Variants in MACROD2 observed in about 807,000 individuals in gnomAD.
MACROD2 encodes ADP-ribose glycohydrolase MACROD2.
Under a neutral mutation model 70.4 loss-of-function variants are expected in MACROD2, and 36 were observed. The observed-to-expected ratio is 0.51, with a 90% CI of 0.39 to 0.68. The LOEUF (loss-of-function observed/expected upper bound fraction) is 0.68, where lower values mean the gene tolerates loss of function less well. MACROD2 is among the 30% of genes least tolerant of loss of function. The pLI, the probability that MACROD2 is intolerant of heterozygous loss-of-function variation, is 0.00. For synonymous variants in MACROD2, 172 were observed against 178.8 expected (o/e 0.96, Z 0.30); for missense variants, 496 against 538.4 (o/e 0.92, Z 0.78).
At chr20:14,477,954 G>T (rs1412139073) in intron 3 of MACROD2, among the ~76,000 whole-genome samples, 1 of 152,134 alleles carries the variant, frequency 6.6e-6, no homozygotes, top group Non-Finnish European at 1.5e-5. Flanking sequence ...TAGTTTAAAT[G>T]CCTCCCGATT....
chr20:15,347,377 TA>T (rs1268704247), intron 6 of MACROD2, among the ~76,000 whole-genome samples: 1 of 152,172 alleles, frequency 6.6e-6, no homozygotes, highest in African/African-American at 2.4e-5. Context: ...TTGTACTCAC[TA>T]TATAGGCCAC....
At chr20:15,225,971 G>A (rs2076902568) in intron 5 of MACROD2, among the ~76,000 whole-genome samples, 1 of 152,208 alleles carries the variant, frequency 6.6e-6, no homozygotes, top group South Asian at 2.1e-4. Context: ...TCTGGAGATA[G>A]TGCCAATTTG....
At chr20:16,023,143 C>A (rs1188383908) in intron 15 of MACROD2, among the ~76,000 whole-genome samples, 1 of 151,948 alleles carries the variant, frequency 6.6e-6, no homozygotes, top group Non-Finnish European at 1.5e-5. Flanking sequence ...TATAAGACAA[C>A]AAAGAGCACT....
At chr20:14,763,803 G>C (rs2072048479) in intron 5 of MACROD2, among the ~76,000 whole-genome samples, 1 of 152,062 alleles carries the variant, frequency 6.6e-6, no homozygotes, top group African/African-American at 2.4e-5. Context: ...ACGGTGTCTA[G>C]TGGCAGCTGT....
intron 3 of MACROD2, among the ~76,000 whole-genome samples, chr20:14,335,589 A>G (rs2082921347): frequency 6.6e-6 from 1 of 152,156 alleles, no homozygotes; most frequent in Admixed American, 6.5e-5. Context: ...ATGTTTGGGA[A>G]GTGTTTAATT....
chr20:15,928,645 A>G (rs1176547352), intron 10 of MACROD2, among the ~76,000 whole-genome samples: 2 of 152,220 alleles, frequency 1.3e-5, no homozygotes, highest in Admixed American at 6.5e-5. Flanking sequence ...TGCAGTTTTT[A>G]TGAGAATGAA....
intron 5 of MACROD2, among the ~76,000 whole-genome samples, chr20:15,035,431 T>TAATAA (rs71190168): frequency 0.49 from 73,649 of 151,190 alleles, 19,147 homozygotes; most frequent in African/African-American, 0.69. Flanking sequence ...TAAAATAAAA[T>TAATAA]AATAAAATGT....
At chr20:15,206,316 T>A (rs1222877988) in intron 5 of MACROD2, among the ~76,000 whole-genome samples, 1 of 152,210 alleles carries the variant, frequency 6.6e-6, no homozygotes, top group African/African-American at 2.4e-5. Flanking sequence ...ACTCAAAAAT[T>A]TCCATTACTT....
chr20:14,604,473 G>C (rs1982678759), intron 4 of MACROD2, among the ~76,000 whole-genome samples: 1 of 152,150 alleles, frequency 6.6e-6, no homozygotes. Flanking sequence ...CACATTTCCA[G>C]GTCCAATCAT....
At chr20:14,656,873 G>T (rs1986003003) in intron 4 of MACROD2, among the ~76,000 whole-genome samples, 1 of 152,016 alleles carries the variant, frequency 6.6e-6, no homozygotes, top group Non-Finnish European at 1.5e-5. Context: ...GTGCTGTCTT[G>T]GCTTTCTTTG....
intron 8 of MACROD2, among the ~76,000 whole-genome samples, chr20:15,638,093 GA>G (rs1400836145): frequency 6.6e-6 from 1 of 152,092 alleles, no homozygotes; most frequent in Non-Finnish European, 1.5e-5. Flanking sequence ...AGCTCCCTTG[GA>G]ATGAGCCGTG....
chr20:14,802,838 A>C (rs2072594532), intron 5 of MACROD2, among the ~76,000 whole-genome samples: 1 of 151,486 alleles, frequency 6.6e-6, no homozygotes, highest in South Asian at 2.1e-4. Flanking sequence ...AATTGGTTTT[A>C]CAGTTTGTAT....
chr20:15,315,824 G>C, intron 6 of MACROD2, among the ~76,000 whole-genome samples: 1 of 152,054 alleles, frequency 6.6e-6, no homozygotes, highest in South Asian at 2.1e-4. Flanking sequence ...CTCCTCTTTT[G>C]ATTTCTTATA....
intron 5 of MACROD2, among the ~76,000 whole-genome samples, chr20:15,146,762 A>C (rs1601138488): frequency 1.3e-5 from 2 of 152,176 alleles, no homozygotes; most frequent in East Asian, 3.9e-4. Flanking sequence ...AGAGGAAAGG[A>C]AAATGATCTT....
intron 5 of MACROD2, among the ~76,000 whole-genome samples, chr20:14,782,477 A>G (rs553257338): frequency 2.0e-5 from 3 of 152,264 alleles, no homozygotes; most frequent in Admixed American, 1.3e-4. Context: ...CAACTTCATA[A>G]CTAAGATATG....
chr20:14,986,746 C>T (rs1314488914), intron 5 of MACROD2, among the ~76,000 whole-genome samples: 1 of 152,160 alleles, frequency 6.6e-6, no homozygotes, highest in Non-Finnish European at 1.5e-5. Flanking sequence ...GTGATCAGGG[C>T]TCACCCTGGC....
chr20:15,250,410 C>T (rs140581387), intron 6 of MACROD2, among the ~76,000 whole-genome samples: 2 of 152,308 alleles, frequency 1.3e-5, no homozygotes, highest in African/African-American at 4.8e-5. Context: ...ACAGACGTTG[C>T]ATTCGCTTTG....
chr20:14,676,013 A>G (rs773324190), intron 4 of MACROD2, among the ~76,000 whole-genome samples: 8 of 152,180 alleles, frequency 5.3e-5, no homozygotes, highest in Non-Finnish European at 1.2e-4. Context: ...CTAAATATAT[A>G]TGCACCCAAT....
chr20:14,577,794 A>AAAGAGAAGAGAAGGGAAGAG (rs1980699060), intron 4 of MACROD2, among the ~76,000 whole-genome samples: 3 of 137,728 alleles, frequency 2.2e-5, no homozygotes, highest in Non-Finnish European at 4.7e-5. Flanking sequence ...AAAGAAAAGG[A>AAAGAGAAGAGAAGGGAAGAG]AAGAGAAGAG....
Sources: gnomAD v4.1 joint callset for allele counts (sites outside exome capture counted in the v4.1 genomes callset) on GRCh38, gnomAD v4.1.1 for gene constraint, MANE v1.5 for transcripts, NCBI Gene and HGNC (gene_info 2026-07-23, HGNC 2026-07-21) for gene names.